The following MATN2 variants were observed in gnomAD, a reference collection of about 807,000 sequenced individuals.
MATN2 encodes matrilin-2.
In MATN2, 69 loss-of-function variants were observed where a neutral mutation model predicts 103.2. The observed-to-expected ratio is 0.67, with a 90% confidence interval of 0.55 to 0.82. MATN2 has a LOEUF of 0.82. Ranked by LOEUF, MATN2 falls within the 40% of genes least tolerant of loss-of-function variation. The pLI is 0.00. For missense variants in MATN2, 1,023 were observed against 1,211.5 expected (o/e 0.84, Z 2.31); for synonymous variants, 429 against 450.2 (o/e 0.95, Z 0.60).
chr8:98,033,960 G>A (rs939479916), intron 18 of MATN2, among the ~76,000 whole-genome samples: 2 of 152,242 alleles, frequency 1.3e-5, no homozygotes, highest in South Asian at 4.1e-4. Context: ...GCCTAACTCC[G>A]TCTCTGCTAG....
intron 5 of MATN2, among the ~76,000 whole-genome samples, chr8:97,971,502 C>G (rs1026938700): frequency 9.2e-5 from 14 of 152,194 alleles, no homozygotes; most frequent in African/African-American, 3.1e-4. Context: ...TGGTGGATTG[C>G]TGACTAAGAA....
chr8:97,988,800 C>G, intron 6 of MATN2, among the ~76,000 whole-genome samples: 1 of 151,992 alleles, frequency 6.6e-6, no homozygotes, highest in Non-Finnish European at 1.5e-5. Flanking sequence ...CAAATTATTC[C>G]AAAAAATTGA....
intron 8 of MATN2, 149 bp from the exon 9 acceptor site, chr8:98,006,956 G>T: frequency 1.2e-6 from 1 of 841,354 alleles, no homozygotes; most frequent in Non-Finnish European, 1.8e-6. Flanking sequence ...CAACAAGCCA[G>T]GCTGATTTTC....
intron 5 of MATN2, among the ~76,000 whole-genome samples, chr8:97,963,196 T>C (rs1450408237): frequency 6.6e-6 from 1 of 152,186 alleles, no homozygotes; most frequent in Non-Finnish European, 1.5e-5. Context: ...GGTCACACTG[T>C]CTATTTTGTT....
intron 3 of MATN2, among the ~76,000 whole-genome samples, chr8:97,934,186 A>T (rs1233843275): frequency 6.6e-6 from 1 of 152,164 alleles, no homozygotes; most frequent in Non-Finnish European, 1.5e-5. Context: ...AATAGGTGAA[A>T]CTCTGAAGGC....
chr8:98,026,847 T>A (rs947987171), intron 13 of MATN2, among the ~76,000 whole-genome samples: 1 of 152,236 alleles, frequency 6.6e-6, no homozygotes. Flanking sequence ...TTGGTCACTA[T>A]TGCAATCCTG....
chr8:97,956,058 C>G (rs553331344), intron 4 of MATN2, among the ~76,000 whole-genome samples: 5 of 152,328 alleles, frequency 3.3e-5, no homozygotes, highest in African/African-American at 1.2e-4. Flanking sequence ...TAGATGTAAA[C>G]AGCTTTATTG....
intron 5 of MATN2, among the ~76,000 whole-genome samples, chr8:97,971,895 A>AT (rs1306162582): frequency 1.0e-5 from 1 of 98,360 alleles, no homozygotes; most frequent in Non-Finnish European, 2.6e-5. Context: ...ATTTTTGCTT[A>AT]TTAAAAAAAA....
At chr8:97,944,824 C>T (rs1810692844) in intron 4 of MATN2, among the ~76,000 whole-genome samples, 1 of 152,174 alleles carries the variant, frequency 6.6e-6, no homozygotes, top group Admixed American at 6.5e-5. Context: ...GGCATGTACT[C>T]CACTTCTGGA....
chr8:97,888,693 G>C (rs1048304913), intron 2 of MATN2, among the ~76,000 whole-genome samples: 1 of 152,180 alleles, frequency 6.6e-6, no homozygotes, highest in Non-Finnish European at 1.5e-5. Flanking sequence ...GAAAATGCCA[G>C]GGGTCTATTC....
chr8:98,007,615 G>A lies in MATN2; in HGVS notation c.1573+14G>A. The stretch of plus-strand genomic sequence containing the variant: ...AGACGTGTGCAAGTAAGTGTCTGAA[G>A]GACAAGCAGGACCTGCACAGGTGTT... On this transcript the variant is annotated intron_variant, in intron 10 of 18. Coordinates refer to ENST00000254898, the MANE Select transcript of MATN2 (RefSeq NM_002380.5). The surrounding 1 kb of genome is among the most constrained non-coding windows in gnomAD (Gnocchi z 4.2). 6.2e-7 allele frequency: 1 copy of A among 1,603,902 alleles called. No homozygotes were observed. The highest frequency in any genetic ancestry group is 1.3e-5 in the African/African-American group (1 of 74,908).
At chr8:97,955,417 G>A (rs1811113341) in intron 4 of MATN2, among the ~76,000 whole-genome samples, 1 of 152,222 alleles carries the variant, frequency 6.6e-6, no homozygotes, top group African/African-American at 2.4e-5. Context: ...GGGTACAGGA[G>A]AGGGAGGAAT....
chr8:97,929,043 C>T (rs1267928611), intron 2 of MATN2, among the ~76,000 whole-genome samples: 2 of 152,160 alleles, frequency 1.3e-5, no homozygotes, highest in Admixed American at 6.5e-5. Context: ...TCTGGGGCCT[C>T]TGTTTTGAGA....
intron 5 of MATN2, among the ~76,000 whole-genome samples, chr8:97,970,148 C>T (rs1811608834): frequency 6.6e-6 from 1 of 152,150 alleles, no homozygotes; most frequent in African/African-American, 2.4e-5. Context: ...GTTTTGCAGT[C>T]ATATTTATAC....
At chr8:98,030,057 T>C (rs1813953252) in intron 14 of MATN2, among the ~76,000 whole-genome samples, 1 of 152,250 alleles carries the variant, frequency 6.6e-6, no homozygotes, top group South Asian at 2.1e-4. Context: ...CCTGTAGCTT[T>C]GAGTAGAAAC....
rs1813857114 is a variant in MATN2, at chr8:98,027,625, A to G, written c.2152A>G (p.Met718Val). 1.9e-6 allele frequency: 3 copies of G among 1,613,774 alleles called. No individual in the cohort carries two copies. Among genetic ancestry groups the G allele is most frequent in the East Asian group, 4.5e-5 (2 of 44,866 alleles). Residue 718 changes from methionine (M) to valine (V), a missense_variant, in exon 14 of 19, where the codon ATG (methionine) becomes GTG (valine). By Grantham distance (21) the Met-to-Val change is conservative. Coordinates refer to ENST00000254898, the MANE Select transcript of MATN2 (RefSeq NM_002380.5). ...GAGAAACTTCAACTCAGCCAAAGAC[A>G]TGAAAAAAGCCGTGGCCCACATGAA... ...TLRNFNSAKD[M>V]KKAVAHMKYM...
chr8:98,004,926 A>G (rs1047549503), intron 8 of MATN2, among the ~76,000 whole-genome samples: 1 of 152,196 alleles, frequency 6.6e-6, no homozygotes, highest in Non-Finnish European at 1.5e-5. Context: ...GAGTGTGGTG[A>G]TGGACCCTAT....
At chr8:97,953,340 T>C (rs1811024409) in intron 4 of MATN2, among the ~76,000 whole-genome samples, 1 of 152,198 alleles carries the variant, frequency 6.6e-6, no homozygotes, top group African/African-American at 2.4e-5. Context: ...TCCCCCTTGA[T>C]TTAGGAAAGG....
rs1340176371 is a variant in MATN2, at chr8:98,018,002, G to A, written c.1705G>A (p.Val569Ile). ...EDGKTCRRKD[V>I]CQAIDHGCEH... ...TGCTCTCCTGTCTTCAGGGAAAGAT[G>A]TCTGCCAAGCTATAGACCATGGCTG... Residue 569 changes from valine (V) to isoleucine (I), a missense_variant, in exon 12 of 19, where the codon GTC becomes ATC. Transcript: ENST00000254898. 1.2e-6 allele frequency: 2 copies of A among 1,613,414 alleles called. No homozygotes were observed. Among genetic ancestry groups the A allele is most frequent in the Middle Eastern group, 1.6e-4 (1 of 6,084 alleles).
Sources: allele counts gnomAD v4.1 joint callset (sites outside exome capture counted in the v4.1 genomes callset), GRCh38; gene constraint gnomAD v4.1.1; non-coding constraint Gnocchi (gnomAD v3.1); transcripts MANE v1.5; gene names NCBI Gene and HGNC (gene_info 2026-07-23, HGNC 2026-07-21).